Variants in SSTR1 observed in about 807,000 individuals in gnomAD.
SSTR1 encodes the protein somatostatin receptor 1.
In SSTR1, 10 loss-of-function variants were observed where a neutral mutation model predicts 20.7. The ratio of observed to expected loss-of-function variants is 0.48; its 90% CI spans 0.30 to 0.82. The LOEUF (loss-of-function observed/expected upper bound fraction) is 0.82, where lower values mean the gene tolerates loss of function less well. Among genes scored for constraint, SSTR1 ranks in the 40% least tolerant of loss-of-function variants. The pLI, the probability that SSTR1 is intolerant of heterozygous loss-of-function variation, is 0.07. For missense variants in SSTR1, 494 were observed against 540.0 expected (o/e 0.91, Z 0.84); for synonymous variants, 267 against 227.8 (o/e 1.17, Z -1.55).
chr14:38,209,332 C>G lies in SSTR1; in HGVS notation c.-58C>G. The G allele has an allele frequency of 1.4e-6, 2 of 1,421,762 alleles. No homozygotes were observed. Among genetic ancestry groups the G allele is most frequent in the South Asian group, 3.1e-5 (2 of 64,632 alleles). The allele number at this position is 1,421,762 out of a possible 1,614,324, so 88.1% of individuals were successfully genotyped here. ...GGGTGGGGAGGGAGGGCGCAGGCGG[C>G]GGGTGCGCGAGGAGAAAGCCCCAGC... On this transcript the variant is annotated 5_prime_UTR_variant, in exon 3 of 3. Coordinates refer to ENST00000267377, the MANE Select transcript of SSTR1 (RefSeq NM_001049.3).
chr14:38,210,082 C>T lies in SSTR1; in HGVS notation c.693C>T (p.Gly231=). 6.2e-7 allele frequency: 1 copy of T among 1,614,234 alleles called. No homozygotes were observed. Among genetic ancestry groups the T allele is most frequent in the East Asian group, 2.2e-5 (1 of 44,862 alleles). Residue 231 remains glycine, a synonymous_variant, in exon 3 of 3, where the codon GGC becomes GGT. Coordinates refer to ENST00000267377, the MANE Select transcript of SSTR1 (RefSeq NM_001049.3). ...VGFVLYTFLM[G]FLLPVGAICL... is the part of the protein sequence containing the mutation. ...TCGTGTTGTACACATTTCTCATGGG[C>T]TTCCTGCTGCCCGTGGGGGCTATCT... is the stretch of plus-strand genomic sequence containing the variant.
At position 38,209,154 on chromosome 14, in the gene SSTR1, C is replaced by A; in HGVS notation, c.-236C>A. On this transcript the variant is annotated 5_prime_UTR_variant, in exon 3 of 3. Coordinates refer to ENST00000267377, the MANE Select transcript of SSTR1 (RefSeq NM_001049.3). ...CATCCTGGCCTCTCCTCTCCACGGTCGCCTGTGCCCGGGCACCCCGGAGCT... is the reference window on the plus strand; with the variant it reads ...CATCCTGGCCTCTCCTCTCCACGGTAGCCTGTGCCCGGGCACCCCGGAGCT... 2 of 432,774 alleles carry A rather than the reference C, an allele frequency of 4.6e-6. No homozygotes were observed. Among genetic ancestry groups the A allele is most frequent in the African/African-American group, 2.1e-5 (1 of 48,634 alleles). The allele number at this position is 432,774 out of a possible 1,614,324, so 26.8% of individuals were successfully genotyped here. A position where few individuals can be genotyped will look rare whatever the true frequency, so the allele number is the denominator to read the frequency against.
At position 38,212,169 on chromosome 14, in the gene SSTR1, A is replaced by G. The variant is rs1264433727; in HGVS notation, c.*1604A>G. 1 of 166,980 alleles carries G rather than the reference A, an allele frequency of 6.0e-6. No homozygotes were observed. The highest frequency in any genetic ancestry group is 1.5e-5 in the Non-Finnish European group (1 of 68,120). 10.3% of individuals were successfully genotyped at this position (166,980 alleles called of 1,614,324 possible). A position where few individuals can be genotyped will look rare whatever the true frequency, so the allele number is the denominator to read the frequency against. ...TCCTGAACTCCTGGCTTTCCAGGAGACATATATAGGGGAACATCACCCTAT... is the reference window on the plus strand; with the variant it reads ...TCCTGAACTCCTGGCTTTCCAGGAGGCATATATAGGGGAACATCACCCTAT... On this transcript the variant is annotated 3_prime_UTR_variant, in exon 3 of 3. Transcript: ENST00000267377.
In SSTR1 at chr14:38,210,969, G is replaced by C. The variant is rs866620268; in HGVS notation, c.*404G>C. 29 of 183,972 alleles carry C rather than the reference G, an allele frequency of 1.6e-4. No homozygotes were observed. Among genetic ancestry groups the C allele is most frequent in the Non-Finnish European group, 1.6e-4 (13 of 79,716 alleles). The allele number at this position is 183,972 out of a possible 1,614,324, so 11.4% of individuals were successfully genotyped here. ...ATTCTGATCCTCAGCCCCTCCAGTC[G>C]TTATTTCTGTTTGTTTAAGCTGAGC... On this transcript the variant is annotated 3_prime_UTR_variant, in exon 3 of 3. Transcript: ENST00000267377.
rs918265138 is a variant in SSTR1, at chr14:38,209,246, C to G, written c.-144C>G. The stretch of plus-strand genomic sequence containing the variant: ...GCCGGCGCCGGTAGGAGCCGCGCTC[C>G]CCGCAGCGGTTGCGCTCTACCCGGA... On this transcript the variant is annotated 5_prime_UTR_variant, in exon 3 of 3. Transcript: ENST00000267377. The G allele has an allele frequency of 1.9e-6, 2 of 1,068,474 alleles. No homozygotes were observed. The highest frequency in any genetic ancestry group is 5.8e-5 in the South Asian group (2 of 34,766). The allele number at this position is 1,068,474 out of a possible 1,614,324, so 66.2% of individuals were successfully genotyped here. A position where few individuals can be genotyped will look rare whatever the true frequency, so the allele number is the denominator to read the frequency against.
chr14:38,209,743 G>A lies in SSTR1; in HGVS notation c.354G>A (p.Thr118=). Residue 118 remains threonine (T), a synonymous_variant, in exon 3 of 3, where the codon ACG becomes ACA. Coordinates refer to ENST00000267377, the MANE Select transcript of SSTR1 (RefSeq NM_001049.3). Reference sequence around the variant, plus strand: ...GCGTGCCCTTCCTAGTCACCTCCACGTTGTTGCGCCACTGGCCCTTCGGTG... The same window carrying A: ...GCGTGCCCTTCCTAGTCACCTCCACATTGTTGCGCCACTGGCCCTTCGGTG... ...MLSVPFLVTS[T]LLRHWPFGAL... The A allele has an allele frequency of 6.2e-7, 1 of 1,613,920 alleles. No individual in the cohort carries two copies. The highest frequency in any genetic ancestry group is 8.5e-7 in the Non-Finnish European group (1 of 1,180,006).
At position 38,210,432 on chromosome 14, in the gene SSTR1, AGGAGCC is replaced by A; in HGVS notation, c.1046_1051del (p.Glu349_Pro350del). 6.2e-7 allele frequency: 1 copy of A among 1,614,192 alleles called. No individual in the cohort carries two copies. Among genetic ancestry groups the A allele is most frequent in the Non-Finnish European group, 8.5e-7 (1 of 1,180,048 alleles). On this transcript the variant is annotated inframe_deletion, in exon 3 of 3. Transcript: ENST00000267377. ...CTCAGCTGGATGGACAACGCCGCGGAGGAGCCGGTTGACTATTACGCCACCGCGCTC... is the reference window on the plus strand; with the variant it reads ...CTCAGCTGGATGGACAACGCCGCGGAGGTTGACTATTACGCCACCGCGCTC...
Position 38,209,996 on chromosome 14 carries a change from G to A in SSTR1, c.607G>A (p.Asp203Asn). Reference protein sequence around the residue: ...VVFSRTAANSDGTVACNMLMP... With the variant: ...VVFSRTAANSNGTVACNMLMP... ...CTTCTCTCGCACCGCGGCCAACAGC[G>A]ACGGCACGGTGGCTTGCAACATGCT... Residue 203 changes from aspartate to asparagine, a missense_variant, in exon 3 of 3, where the codon GAC (aspartate) becomes AAC (asparagine). Asp to Asn is a conservative substitution (Grantham distance 23). This residue lies in a region of SSTR1 where 280 missense variants were observed against 286.1 expected (regional missense o/e 0.98). Transcript: ENST00000267377. 1.2e-6 allele frequency: 2 copies of A among 1,614,112 alleles called. No individual in the cohort carries two copies. The highest frequency in any genetic ancestry group is 1.7e-6 in the Non-Finnish European group (2 of 1,180,046).
At position 38,209,845 on chromosome 14, in the gene SSTR1, C is replaced by T. The variant is rs1883289520; in HGVS notation, c.456C>T (p.Ser152=). The T allele has an allele frequency of 6.2e-7, 1 of 1,613,878 alleles. No homozygotes were observed. The highest frequency in any genetic ancestry group is 1.3e-5 in the African/African-American group (1 of 75,064). Residue 152 remains serine (S), a synonymous_variant, in exon 3 of 3, where the codon AGC becomes AGT. Coordinates refer to ENST00000267377, the MANE Select transcript of SSTR1 (RefSeq NM_001049.3). ...FTSIYCLTVL[S]VDRYVAVVHP... is the part of the protein sequence containing the mutation. The stretch of plus-strand genomic sequence containing the variant: ...GCATCTACTGTCTGACTGTGCTCAG[C>T]GTGGACCGCTACGTGGCCGTGGTGC...
At chr14:38,208,400 C>T (rs1350841881) in intron 1 of SSTR1, 43 bp from the exon 2 acceptor site, 1 of 152,222 alleles carries the variant, frequency 6.6e-6, no homozygotes, top group Admixed American at 6.5e-5. Flanking sequence ...CGCAGAAGCC[C>T]CTAACGCACG....
Position 38,209,323 on chromosome 14 carries a change from C to T in SSTR1, c.-67C>T. On this transcript the variant is annotated 5_prime_UTR_variant, in exon 3 of 3. Coordinates refer to ENST00000267377, the MANE Select transcript of SSTR1 (RefSeq NM_001049.3). The stretch of plus-strand genomic sequence containing the variant: ...CAAGCGGTCGGGTGGGGAGGGAGGG[C>T]GCAGGCGGCGGGTGCGCGAGGAGAA... 7 of 1,417,022 alleles carry T rather than the reference C, an allele frequency of 4.9e-6. No homozygotes were observed. The highest frequency in any genetic ancestry group is 6.4e-6 in the Non-Finnish European group (7 of 1,087,350). 87.8% of individuals were successfully genotyped at this position (1,417,022 alleles called of 1,614,324 possible). A position where few individuals can be genotyped will look rare whatever the true frequency, so the allele number is the denominator to read the frequency against.
chr14:38,209,526 C>A lies in SSTR1; in HGVS notation c.137C>A (p.Ser46Tyr). The A allele has an allele frequency of 4.4e-6, 7 of 1,596,226 alleles. No individual in the cohort carries two copies. Among genetic ancestry groups the A allele is most frequent in the Non-Finnish European group, 6.0e-6 (7 of 1,169,462 alleles). ...ATGGAGGAGCCAGGGCGAAATGCGT[C>A]CCAGAACGGGACCTTGAGCGAGGGC... ...DGMEEPGRNA[S>Y]QNGTLSEGQG... The change falls in exon 3 of 3, where the codon TCC (serine) becomes TAC (tyrosine). Residue 46 changes from serine to tyrosine, a missense_variant. Transcript: ENST00000267377.
rs1239171073 is a variant in SSTR1 at position 38,209,997 on chromosome 14, A to ACGG, written c.610_612dup (p.Gly204dup). On this transcript the variant is annotated inframe_insertion, in exon 3 of 3. Coordinates refer to ENST00000267377, the MANE Select transcript of SSTR1 (RefSeq NM_001049.3). ...TTCTCTCGCACCGCGGCCAACAGCG[A>ACGG]CGGCACGGTGGCTTGCAACATGCTC... 1 of 1,614,164 alleles carries ACGG rather than the reference A, an allele frequency of 6.2e-7. No individual in the cohort carries two copies. The highest frequency in any genetic ancestry group is 1.1e-5 in the South Asian group (1 of 91,084).
chr14:38,209,875 C>T lies in SSTR1; in HGVS notation c.486C>T (p.Pro162=). The T allele has an allele frequency of 6.2e-7, 1 of 1,613,904 alleles. No homozygotes were observed. Among genetic ancestry groups the T allele is most frequent in the Non-Finnish European group, 8.5e-7 (1 of 1,180,046 alleles). Residue 162 remains proline, a synonymous_variant, in exon 3 of 3, where the codon CCC becomes CCT. Coordinates refer to ENST00000267377, the MANE Select transcript of SSTR1 (RefSeq NM_001049.3). ...ACCGCTACGTGGCCGTGGTGCATCC[C>T]ATCAAGGCGGCCCGCTACCGCCGGC... is the stretch of plus-strand genomic sequence containing the variant. ...SVDRYVAVVH[P]IKAARYRRPT...
rs772143646 is a variant in SSTR1, at chr14:38,209,572, C to G, written c.183C>G (p.Ile61Met). 5 of 1,612,154 alleles carry G rather than the reference C, an allele frequency of 3.1e-6. No individual in the cohort carries two copies. The highest frequency in any genetic ancestry group is 4.2e-6 in the Non-Finnish European group (5 of 1,178,776). Residue 61 changes from isoleucine (I) to methionine (M), a missense_variant, in exon 3 of 3, where the codon ATC becomes ATG. Physicochemically the swap from Ile to Met is conservative, Grantham distance 10. This residue lies in a region of SSTR1 where 116 missense variants were observed against 174.6 expected (regional missense o/e 0.66). Coordinates refer to ENST00000267377, the MANE Select transcript of SSTR1 (RefSeq NM_001049.3). ...LSEGQGSAIL[I>M]SFIYSVVCLV... ...AGGGCCAGGGCAGCGCCATCCTGAT[C>G]TCTTTCATCTACTCCGTGGTGTGCC... is the stretch of plus-strand genomic sequence containing the variant.
In SSTR1 at chr14:38,209,288, G is replaced by A; in HGVS notation, c.-102G>A. On this transcript the variant is annotated 5_prime_UTR_variant, in exon 3 of 3. The change creates a premature stop within an existing upstream ORF in the 5' untranslated region. Transcript: ENST00000267377. ...CTACCCGGAGGCGCTGGGCGGCTGT[G>A]GGCTGCAGGCAAGCGGTCGGGTGGG... 7.4e-7 allele frequency: 1 copy of A among 1,344,284 alleles called. No individual in the cohort carries two copies. The highest frequency in any genetic ancestry group is 1.8e-5 in the South Asian group (1 of 55,606). The allele number at this position is 1,344,284 out of a possible 1,614,324, so 83.3% of individuals were successfully genotyped here. A position where few individuals can be genotyped will look rare whatever the true frequency, so the allele number is the denominator to read the frequency against.
In SSTR1 at chr14:38,210,702, C is replaced by T. The variant is rs905173333; in HGVS notation, c.*137C>T. The T allele has an allele frequency of 2.8e-6, 4 of 1,444,452 alleles. No individual in the cohort carries two copies. Among genetic ancestry groups the T allele is most frequent in the Admixed American group, 2.9e-5 (1 of 34,424 alleles). The allele number at this position is 1,444,452 out of a possible 1,614,324, so 89.5% of individuals were successfully genotyped here. On this transcript the variant is annotated 3_prime_UTR_variant, in exon 3 of 3. Transcript: ENST00000267377. The stretch of plus-strand genomic sequence containing the variant: ...AGGGTGCTGTCGGGATAACGTGGGG[C>T]TAGGACACTGACAGCCTTTGATGGA...
rs565993173 is a variant in SSTR1, at chr14:38,211,462, C to A, written c.*897C>A. On this transcript the variant is annotated 3_prime_UTR_variant, in exon 3 of 3. Coordinates refer to ENST00000267377, the MANE Select transcript of SSTR1 (RefSeq NM_001049.3). The stretch of plus-strand genomic sequence containing the variant: ...TTTCAAAGACCAAGCGCTGGGCGCT[C>A]CCGGGCCGCGCGTCTGCGTTAGGCA... The A allele has an allele frequency of 4.2e-5, 7 of 167,354 alleles. No homozygotes were observed. Among genetic ancestry groups the A allele is most frequent in the Admixed American group, 2.0e-4 (3 of 15,312 alleles). The allele number at this position is 167,354 out of a possible 1,614,324, so 10.4% of individuals were successfully genotyped here.
At chr14:38,208,363 T>C (rs1486040943) in intron 1 of SSTR1, 80 bp from the exon 2 acceptor site, 1 of 152,316 alleles carries the variant, frequency 6.6e-6, no homozygotes, top group African/African-American at 2.4e-5. Context: ...ACACTCCCAA[T>C]AGCCTAAGCT....
Sources: gnomAD v4.1 joint callset for allele counts on GRCh38, gnomAD v4.1.1 for gene constraint, gnomAD v4.1.1 regional missense constraint, MANE v1.5 for transcripts, NCBI Gene and HGNC (gene_info 2026-07-23, HGNC 2026-07-21) for gene names.